Variants in MECOM observed in about 807,000 individuals in gnomAD.
MECOM encodes MDS1 and EVI1 complex locus.
MECOM carries 13 observed loss-of-function variants against 116.3 expected under a neutral mutation model. That is an observed-to-expected ratio of 0.11 (90% confidence interval 0.07 to 0.18). The LOEUF (loss-of-function observed/expected upper bound fraction) is 0.18. Among genes scored for constraint, MECOM ranks in the 10% least tolerant of loss-of-function variants. The pLI, the probability that MECOM is intolerant of heterozygous loss-of-function variation, is 1.00. For synonymous variants in MECOM, 528 were observed against 535.2 expected (o/e 0.99, Z 0.19); for missense variants, 1,299 against 1,509.0 (o/e 0.86, Z 2.31).
intron 2 of MECOM, among the ~76,000 whole-genome samples, chr3:169,354,066 TTAC>T (rs1320236050): frequency 1.3e-5 from 2 of 151,906 alleles, no homozygotes; most frequent in Admixed American, 6.6e-5. Flanking sequence ...CTTATAGTTA[TTAC>T]ATAACAACGT....
chr3:169,392,714 T>C (rs910325402), intron 1 of MECOM, among the ~76,000 whole-genome samples: 6 of 152,180 alleles, frequency 3.9e-5, no homozygotes, highest in African/African-American at 9.7e-5. Flanking sequence ...TATAAGTAAT[T>C]CTGCAATTGG....
At chr3:169,312,530 G>T (rs1718994177) in intron 2 of MECOM, among the ~76,000 whole-genome samples, 1 of 151,918 alleles carries the variant, frequency 6.6e-6, no homozygotes, top group Non-Finnish European at 1.5e-5. Context: ...CACCATGCCC[G>T]GCTAATTTTT....
At chr3:169,438,644 T>C (rs556588495) in intron 1 of MECOM, among the ~76,000 whole-genome samples, 2 of 152,204 alleles carry the variant, frequency 1.3e-5, no homozygotes, top group East Asian at 3.9e-4. Flanking sequence ...CATTTGGAAG[T>C]CACGTGAATA....
chr3:169,398,336 A>C (rs943160764), intron 1 of MECOM, among the ~76,000 whole-genome samples: 9 of 152,172 alleles, frequency 5.9e-5, no homozygotes, highest in African/African-American at 1.7e-4. Flanking sequence ...TAATAATATA[A>C]ATAGAAAAAT....
At chr3:169,463,899 A>C (rs1370342350) in intron 1 of MECOM, 1 of 152,202 alleles carries the variant, frequency 6.6e-6, no homozygotes, top group Non-Finnish European at 1.5e-5. Flanking sequence ...AACTAAAAGT[A>C]CGACTGCAAA....
intron 1 of MECOM, among the ~76,000 whole-genome samples, chr3:169,599,957 C>T (rs1343583916): frequency 6.6e-6 from 1 of 152,006 alleles, no homozygotes; most frequent in African/African-American, 2.4e-5. Flanking sequence ...TAATATTCTG[C>T]ACAACTACCT....
rs772023719 is a variant in MECOM, at chr3:169,102,101, T to C, written c.2730A>G (p.Pro910=). The stretch of plus-strand genomic sequence containing the variant: ...CCTTTCCCTTCCGCAGAAGGTTCTC[T>C]GGCAGGGCATTGGGAGGCGCCCTGA... ...FNFRAPPNAL[P]ENLLRKGKER... is the part of the protein sequence containing the mutation. Residue 910 remains proline, a synonymous_variant, in exon 11 of 17, where the codon CCA becomes CCG. Transcript: ENST00000651503. 1.9e-5 allele frequency: 31 copies of C among 1,613,648 alleles called. No individual in the cohort carries two copies. The highest frequency in any genetic ancestry group is 2.6e-5 in the Non-Finnish European group (31 of 1,179,850).
At chr3:169,211,275 C>T (rs955145087) in intron 2 of MECOM, among the ~76,000 whole-genome samples, 2 of 152,034 alleles carry the variant, frequency 1.3e-5, no homozygotes, top group South Asian at 4.2e-4. Flanking sequence ...GAGAAATATA[C>T]CCTGAGGCCT....
At chr3:169,372,947 C>T (rs1730393725) in intron 2 of MECOM, among the ~76,000 whole-genome samples, 1 of 151,988 alleles carries the variant, frequency 6.6e-6, no homozygotes, top group Non-Finnish European at 1.5e-5. Context: ...GCTCCGCATG[C>T]AGTTACAATG....
intron 15 of MECOM, among the ~76,000 whole-genome samples, 162 bp downstream of exon 15, chr3:169,089,838 C>T (rs1052265559): frequency 6.6e-6 from 1 of 152,060 alleles, no homozygotes; most frequent in Non-Finnish European, 1.5e-5. Context: ...TGTTGATAGC[C>T]ACCTTATTTT....
chr3:169,330,736 G>T (rs978738343), intron 2 of MECOM, among the ~76,000 whole-genome samples: 1 of 151,724 alleles, frequency 6.6e-6, no homozygotes, highest in Non-Finnish European at 1.5e-5. Flanking sequence ...AAAAATAAAT[G>T]TAATCTGTAG....
At chr3:169,522,981 C>T (rs1182667880) in intron 1 of MECOM, among the ~76,000 whole-genome samples, 1 of 152,090 alleles carries the variant, frequency 6.6e-6, no homozygotes, top group Non-Finnish European at 1.5e-5. Flanking sequence ...GCAAGACTTC[C>T]CCAACATAAC....
At chr3:169,339,320 A>G (rs1724092066) in intron 2 of MECOM, among the ~76,000 whole-genome samples, 1 of 152,228 alleles carries the variant, frequency 6.6e-6, no homozygotes, top group African/African-American at 2.4e-5. Context: ...CTCACCCCAG[A>G]CTTATTGAAT....
intron 7 of MECOM, among the ~76,000 whole-genome samples, chr3:169,120,004 T>A (rs116374249): frequency 2.6e-5 from 4 of 152,310 alleles, no homozygotes; most frequent in Non-Finnish European, 4.4e-5. Flanking sequence ...CTCTGGCATC[T>A]CCATGTTGGC....
At chr3:169,274,694 A>G (rs1461084553) in intron 2 of MECOM, among the ~76,000 whole-genome samples, 1 of 152,224 alleles carries the variant, frequency 6.6e-6, no homozygotes, top group Non-Finnish European at 1.5e-5. Flanking sequence ...CTAGCCACAT[A>G]TGACAATTTA....
intron 2 of MECOM, among the ~76,000 whole-genome samples, chr3:169,372,893 T>G (rs1489487012): frequency 6.6e-6 from 1 of 152,004 alleles, no homozygotes; most frequent in African/African-American, 2.4e-5. Context: ...TGAGGAGGAC[T>G]TGAGACCAGG....
At chr3:169,439,537 A>C (rs1743263139) in intron 1 of MECOM, among the ~76,000 whole-genome samples, 1 of 152,130 alleles carries the variant, frequency 6.6e-6, no homozygotes, top group Non-Finnish European at 1.5e-5. Flanking sequence ...AATGCAAATT[A>C]AGGCTGTAAT....
At chr3:169,360,858 C>T (rs1445341706) in intron 2 of MECOM, among the ~76,000 whole-genome samples, 1 of 151,674 alleles carries the variant, frequency 6.6e-6, no homozygotes, top group Non-Finnish European at 1.5e-5. Flanking sequence ...CTGAAAGATG[C>T]CATGTCAGTC....
At chr3:169,638,584 G>A (rs146012089) in intron 1 of MECOM, among the ~76,000 whole-genome samples, 1 of 152,230 alleles carries the variant, frequency 6.6e-6, no homozygotes, top group African/African-American at 2.4e-5. Flanking sequence ...GTAATACATG[G>A]ACTTTTGATC....
Sources: gnomAD v4.1 joint callset for allele counts (sites outside exome capture counted in the v4.1 genomes callset) on GRCh38, gnomAD v4.1.1 for gene constraint, MANE v1.5 for transcripts, NCBI Gene and HGNC (gene_info 2026-07-23, HGNC 2026-07-21) for gene names.